NRXN3: variants seen among roughly 807,000 people sequenced by gnomAD.
NRXN3 encodes neurexin III.
Under a neutral mutation model 137.6 loss-of-function variants are expected in NRXN3, and 32 were observed. That is an observed-to-expected ratio of 0.23 (90% CI 0.18 to 0.31). NRXN3 has a LOEUF of 0.31. Ranked by LOEUF, NRXN3 falls within the 10% of genes least tolerant of loss-of-function variation. The probability of loss-of-function intolerance (pLI) is 1.00; values close to 1 mark genes in which losing one functional copy is unlikely to be tolerated. For synonymous variants in NRXN3, 798 were observed against 784.5 expected, an observed-to-expected ratio of 1.02 and a Z score of -0.29; for missense variants, 1,574 against 2,062.5, an observed-to-expected ratio of 0.76 and a Z score of 4.59.
At chr14:78,756,466 C>T (rs1023938804) in intron 8 of NRXN3, among the ~76,000 whole-genome samples, 1 of 146,220 alleles carries the variant, frequency 6.8e-6, no homozygotes, top group African/African-American at 2.6e-5. Context: ...TGGCTCTGTA[C>T]AAGATCAGCC....
At chr14:79,600,696 C>A (rs1198555372) in intron 16 of NRXN3, among the ~76,000 whole-genome samples, 1 of 152,210 alleles carries the variant, frequency 6.6e-6, no homozygotes, top group East Asian at 1.9e-4. Context: ...TAGAGATTCC[C>A]AAGTCCCCTG....
At chr14:79,270,006 A>G (rs1190805017) in intron 15 of NRXN3, among the ~76,000 whole-genome samples, 1 of 152,230 alleles carries the variant, frequency 6.6e-6, no homozygotes. Context: ...TGCAGCATCC[A>G]GGCATTGGGT....
chr14:78,965,951 A>G, intron 11 of NRXN3, 74 bp from the exon 12 acceptor site: 2 of 1,512,880 alleles, frequency 1.3e-6, no homozygotes, highest in Admixed American at 3.9e-5. Context: ...GGTTACACCC[A>G]AAAAATATAC....
At chr14:79,624,418 A>C (rs531302502) in intron 16 of NRXN3, among the ~76,000 whole-genome samples, 21 of 146,494 alleles carry the variant, frequency 1.4e-4, no homozygotes, top group Non-Finnish European at 2.5e-4. Flanking sequence ...TAAGATGTAC[A>C]TTTAAGGTGT....
chr14:79,131,435 C>T (rs1408089575), intron 15 of NRXN3, among the ~76,000 whole-genome samples: 1 of 152,124 alleles, frequency 6.6e-6, no homozygotes, highest in Non-Finnish European at 1.5e-5. Context: ...GAGTACCCAG[C>T]CGTGTGAGGT....
Position 79,754,587 on chromosome 14 carries a change from C to CACACAT in NRXN3, c.4015-50522_4015-50521insCATACA, listed in dbSNP as rs1555692394. On this transcript the variant is annotated intron_variant, in intron 19 of 20. Transcript: ENST00000335750. ...ATGCACACATACACACACACACACA[C>CACACAT]ACATATATATACACACACATACACA... Among the ~76,000 whole-genome samples the CACACAT allele has an allele frequency of 7.0e-5, 9 of 127,812 alleles. 1 individual carries two copies. Among genetic ancestry groups the CACACAT allele is most frequent in the African/African-American group, 2.7e-4 (9 of 33,038 alleles). 83.8% of individuals were successfully genotyped at this position (127,812 alleles called of 152,430 possible). A position where few individuals can be genotyped will look rare whatever the true frequency, so the allele number is the denominator to read the frequency against.
At chr14:78,248,987 C>T (rs1380725280) in intron 2 of NRXN3, among the ~76,000 whole-genome samples, 1 of 152,176 alleles carries the variant, frequency 6.6e-6, no homozygotes, top group Non-Finnish European at 1.5e-5. Flanking sequence ...TCCTTTCCTC[C>T]TGATTACCAA....
rs139612985 is a variant in NRXN3 at position 78,494,353 on chromosome 14, T to C, written c.758-150767T>C. On this transcript the variant is annotated intron_variant, in intron 4 of 20. Transcript: ENST00000335750. ...AGTCCTAATCACTTAGAAACCCATA[T>C]TTGGCGTGTTTTGTTGCTTGGGTAA... 5.6e-3 allele frequency among the ~76,000 whole-genome samples: 852 copies of C among 152,186 alleles called. 12 individuals are homozygous for C. Among genetic ancestry groups the C allele is most frequent in the African/African-American group, 0.019 (806 of 41,538 alleles).
At chr14:79,711,957 T>G (rs1445287486) in intron 19 of NRXN3, among the ~76,000 whole-genome samples, 3 of 152,098 alleles carry the variant, frequency 2.0e-5, no homozygotes, top group Admixed American at 6.6e-5. Flanking sequence ...GAGGTCTCTA[T>G]TGCATGAATG....
intron 20 of NRXN3, among the ~76,000 whole-genome samples, chr14:79,859,858 A>AT (rs919950675): frequency 4.6e-5 from 7 of 152,162 alleles, no homozygotes; most frequent in South Asian, 2.1e-4. Flanking sequence ...CTGCGAGTGG[A>AT]TTTTTTTTAA....
intron 15 of NRXN3, among the ~76,000 whole-genome samples, chr14:79,347,385 G>A (rs555281813): frequency 3.3e-5 from 5 of 151,460 alleles, no homozygotes; most frequent in Non-Finnish European, 7.4e-5. Flanking sequence ...AGAGTTTTCA[G>A]TAATTATCTG....
At chr14:79,746,055 A>G (rs1056395273) in intron 19 of NRXN3, among the ~76,000 whole-genome samples, 1 of 152,106 alleles carries the variant, frequency 6.6e-6, no homozygotes, top group Non-Finnish European at 1.5e-5. Context: ...GAACTTCAAC[A>G]TATGTATTTT....
intron 15 of NRXN3, among the ~76,000 whole-genome samples, chr14:79,330,093 GT>G (rs1176879441): frequency 6.6e-6 from 1 of 152,100 alleles, no homozygotes; most frequent in Non-Finnish European, 1.5e-5. Flanking sequence ...GCCTCCCAAA[GT>G]GCTGGGATTA....
intron 5 of NRXN3, among the ~76,000 whole-genome samples, chr14:78,647,886 T>G (rs546630518): frequency 6.6e-6 from 1 of 152,368 alleles, no homozygotes; most frequent in Non-Finnish European, 1.5e-5. Flanking sequence ...TCAATTAAAC[T>G]ATAAAGAGCT....
At chr14:78,460,132 G>T (rs962043277) in intron 4 of NRXN3, among the ~76,000 whole-genome samples, 1 of 152,208 alleles carries the variant, frequency 6.6e-6, no homozygotes, top group Non-Finnish European at 1.5e-5. Context: ...ACAGCCAGAT[G>T]AAAGAGATGC....
chr14:78,572,110 C>A (rs2096895244), intron 4 of NRXN3, among the ~76,000 whole-genome samples: 1 of 152,184 alleles, frequency 6.6e-6, no homozygotes, highest in Non-Finnish European at 1.5e-5. Flanking sequence ...AGTGTCAGTG[C>A]TGGTTTGTAA....
intron 15 of NRXN3, among the ~76,000 whole-genome samples, chr14:79,124,244 C>A (rs1488711873): frequency 6.6e-6 from 1 of 152,098 alleles, no homozygotes; most frequent in Non-Finnish European, 1.5e-5. Flanking sequence ...ACCAGAAAAA[C>A]CAGAAGTCTT....
chr14:78,919,084 A>T (rs1333626760), intron 10 of NRXN3, among the ~76,000 whole-genome samples: 5 of 152,196 alleles, frequency 3.3e-5, no homozygotes, highest in African/African-American at 1.2e-4. Context: ...AATATCTGTT[A>T]TATGAGACAC....
intron 19 of NRXN3, among the ~76,000 whole-genome samples, chr14:79,796,897 G>A (rs1483199731): frequency 6.6e-6 from 1 of 152,102 alleles, no homozygotes; most frequent in African/African-American, 2.4e-5. Flanking sequence ...ACGCTTATGA[G>A]CCCAACACTA....
Sources: allele counts gnomAD v4.1 joint callset (sites outside exome capture counted in the v4.1 genomes callset), GRCh38; gene constraint gnomAD v4.1.1; transcripts MANE v1.5; gene names NCBI Gene and HGNC (gene_info 2026-07-23, HGNC 2026-07-21).